The following GABPB1 variants were observed in gnomAD, a reference collection of about 807,000 sequenced individuals.
GABPB1 encodes the protein GA binding protein transcription factor subunit beta 1.
Under a neutral mutation model 45.9 loss-of-function variants are expected in GABPB1, and 15 were observed. The observed-to-expected ratio is 0.33, with a 90% CI of 0.22 to 0.50. The LOEUF (loss-of-function observed/expected upper bound fraction) is 0.50, where lower values mean the gene tolerates loss of function less well. Among genes scored for constraint, GABPB1 ranks in the 20% least tolerant of loss-of-function variants. The probability of loss-of-function intolerance (pLI) is 0.98; values close to 1 mark genes in which losing one functional copy is unlikely to be tolerated. For missense variants in GABPB1, 252 were observed against 457.5 expected, an observed-to-expected ratio of 0.55 and a Z score of 4.10; for synonymous variants, 143 against 154.4, an observed-to-expected ratio of 0.93 and a Z score of 0.55.
chr15:50,337,984 T>G (rs1291570155), intron 1 of GABPB1, among the ~76,000 whole-genome samples: 2 of 152,160 alleles, frequency 1.3e-5, no homozygotes, highest in African/African-American at 4.8e-5. Flanking sequence ...GATTCTGAAA[T>G]ATAATTCATT....
intron 1 of GABPB1, among the ~76,000 whole-genome samples, chr15:50,330,315 T>C (rs2047905770): frequency 6.6e-6 from 1 of 152,182 alleles, no homozygotes; most frequent in African/African-American, 2.4e-5. Context: ...GAGATTTTTC[T>C]CATTCTGTTT....
chr15:50,301,001 G>T, intron 5 of GABPB1, 99 bp from the exon 6 acceptor site: 1 of 840,996 alleles, frequency 1.2e-6, no homozygotes, highest in Non-Finnish European at 1.9e-6. Context: ...AACAAAGCTT[G>T]GATAGCATTA....
At chr15:50,325,625 G>T (rs981590180) in intron 1 of GABPB1, among the ~76,000 whole-genome samples, 3 of 150,928 alleles carry the variant, frequency 2.0e-5, no homozygotes, top group African/African-American at 7.3e-5. Flanking sequence ...TCCGCCTCCG[G>T]GGTTCACACC....
At chr15:50,313,023 CTG>C (rs1441227646) in intron 1 of GABPB1, among the ~76,000 whole-genome samples, 1 of 152,084 alleles carries the variant, frequency 6.6e-6, no homozygotes, top group Admixed American at 6.6e-5. Context: ...GGGTAGATAA[CTG>C]TTGAGTCTCA....
chr15:50,343,875 T>C (rs2048471046), intron 1 of GABPB1, among the ~76,000 whole-genome samples: 2 of 152,220 alleles, frequency 1.3e-5, no homozygotes, highest in African/African-American at 2.4e-5. Context: ...TAGTAACATA[T>C]ATAATTACCA....
At chr15:50,305,431 A>G (rs183199354) in intron 2 of GABPB1, among the ~76,000 whole-genome samples, 154 of 152,250 alleles carry the variant, frequency 1.0e-3, no homozygotes, top group African/African-American at 3.6e-3. Flanking sequence ...CACACACTAC[A>G]GCTTTGAACT....
In GABPB1 at chr15:50,317,299, G is replaced by A. The variant is rs55667495; in HGVS notation, c.1-7501C>T. On this transcript the variant is annotated intron_variant, in intron 1 of 8. Transcript: ENST00000380877. ...TGACGCCTGTAATCCCAGCTACTCCGGAGGCTGAGGCAGAGAATCGCTTGA... is the reference window on the plus strand; with the variant it reads ...TGACGCCTGTAATCCCAGCTACTCCAGAGGCTGAGGCAGAGAATCGCTTGA... Among the ~76,000 whole-genome samples, 6 of 151,496 alleles carry A rather than the reference G, an allele frequency of 4.0e-5. No homozygotes were observed. The South Asian group carries it at 1.0e-3, about 26-fold the overall frequency.
At chr15:50,344,167 T>C (rs1467233809) in intron 1 of GABPB1, among the ~76,000 whole-genome samples, 3 of 152,276 alleles carry the variant, frequency 2.0e-5, no homozygotes, top group African/African-American at 4.8e-5. Flanking sequence ...TTAAGCAAGG[T>C]ATATTACAGA....
intron 1 of GABPB1, among the ~76,000 whole-genome samples, chr15:50,311,513 A>C (rs1186621556): frequency 2.6e-5 from 4 of 152,218 alleles, no homozygotes; most frequent in Non-Finnish European, 5.9e-5. Flanking sequence ...TAATCCAAAA[A>C]TCTGAAATCT....
At chr15:50,286,282 C>T in intron 7 of GABPB1, 99 bp from the exon 8 acceptor site, 1 of 763,764 alleles carries the variant, frequency 1.3e-6, no homozygotes, top group Non-Finnish European at 1.9e-6. Flanking sequence ...TCTAAAATAA[C>T]TACATTCCAA....
intron 7 of GABPB1, 53 bp downstream of exon 7, chr15:50,289,430 T>C (rs968769405): frequency 8.6e-7 from 1 of 1,160,624 alleles, no homozygotes; most frequent in South Asian, 1.6e-5. Flanking sequence ...TTAAAGAAAA[T>C]AAAAATTAAA....
chr15:50,328,369 T>C (rs995742643), intron 1 of GABPB1, among the ~76,000 whole-genome samples: 1 of 152,196 alleles, frequency 6.6e-6, no homozygotes, highest in African/African-American at 2.4e-5. Flanking sequence ...CTCATGACAT[T>C]GATTTGTTGA....
chr15:50,310,363 G>C (rs1015144733), intron 1 of GABPB1, among the ~76,000 whole-genome samples: 1 of 152,172 alleles, frequency 6.6e-6, no homozygotes. Context: ...AAAGTGATGG[G>C]ATTACAGGCA....
At chr15:50,280,068 C>T (rs767232278) in intron 8 of GABPB1, among the ~76,000 whole-genome samples, 3 of 152,084 alleles carry the variant, frequency 2.0e-5, no homozygotes, top group African/African-American at 4.8e-5. Flanking sequence ...CTAGATCCAA[C>T]ATTTCTTTTT....
At chr15:50,336,619 G>T (rs1020449851) in intron 1 of GABPB1, among the ~76,000 whole-genome samples, 5 of 151,570 alleles carry the variant, frequency 3.3e-5, no homozygotes, top group Non-Finnish European at 7.4e-5. Context: ...GGAGGTCAAA[G>T]TTGCAGTGAG....
At chr15:50,336,289 G>C (rs1380917846) in intron 1 of GABPB1, among the ~76,000 whole-genome samples, 1 of 151,092 alleles carries the variant, frequency 6.6e-6, no homozygotes, top group Non-Finnish European at 1.5e-5. Flanking sequence ...AGGAGGCAGA[G>C]GTTGCAGTAA....
chr15:50,340,696 T>C (rs1050079330), intron 1 of GABPB1, among the ~76,000 whole-genome samples: 9 of 152,124 alleles, frequency 5.9e-5, no homozygotes, highest in Non-Finnish European at 8.8e-5. Flanking sequence ...ATTATTGTGT[T>C]TTAATATGCA....
intron 2 of GABPB1, 42 bp from the exon 3 acceptor site, chr15:50,304,175 G>A: frequency 6.7e-7 from 1 of 1,493,976 alleles, no homozygotes; most frequent in Non-Finnish European, 9.0e-7. Context: ...TTACATTATT[G>A]TTACTACACT....
At chr15:50,287,083 A>C (rs1266107877) in intron 7 of GABPB1, among the ~76,000 whole-genome samples, 1 of 152,138 alleles carries the variant, frequency 6.6e-6, no homozygotes, top group African/African-American at 2.4e-5. Flanking sequence ...TTTGGGTTTT[A>C]CTTCTTTTTT....
Sources: gnomAD v4.1 joint callset for allele counts (sites outside exome capture counted in the v4.1 genomes callset) on GRCh38, gnomAD v4.1.1 for gene constraint, MANE v1.5 for transcripts, NCBI Gene and HGNC (gene_info 2026-07-23, HGNC 2026-07-21) for gene names.